The following IQCK variants were observed in gnomAD, a reference collection of about 807,000 sequenced individuals.
IQCK encodes the protein IQ domain-containing protein K.
Under a neutral mutation model 28.1 loss-of-function variants are expected in IQCK, and 29 were observed. That is an observed-to-expected ratio of 1.03 (90% CI 0.77 to 1.41). The LOEUF is 1.41. Among genes scored for constraint, IQCK ranks in the 40% most tolerant of loss-of-function variants. The pLI, the probability that IQCK is intolerant of heterozygous loss-of-function variation, is 0.00. For synonymous variants in IQCK, 113 were observed against 115.1 expected (o/e 0.98, Z 0.12); for missense variants, 359 against 314.7 (o/e 1.14, Z -1.07).
At chr16:19,802,984 G>A (rs1412048991) in intron 7 of IQCK, among the ~76,000 whole-genome samples, 1 of 152,138 alleles carries the variant, frequency 6.6e-6, no homozygotes, top group Non-Finnish European at 1.5e-5. Context: ...TGATGGTCTC[G>A]AGCTTCACTG....
chr16:19,769,367 A>G (rs571806995), intron 6 of IQCK, among the ~76,000 whole-genome samples: 2 of 152,320 alleles, frequency 1.3e-5, no homozygotes, highest in Admixed American at 1.3e-4. Flanking sequence ...CCAGTTCCTT[A>G]TTGGTAAATG....
exon 6 of IQCK, chr16:19,764,086 A>G: frequency 6.2e-7 from 1 of 1,613,758 alleles, no homozygotes; most frequent in Non-Finnish European, 8.5e-7. Flanking sequence ...TCTCCATTCC[A>G]TTTGTGGAGG....
At chr16:19,748,891 G>GA (rs942902304) in intron 4 of IQCK, among the ~76,000 whole-genome samples, 26 of 152,022 alleles carry the variant, frequency 1.7e-4, no homozygotes, top group South Asian at 2.1e-4. Flanking sequence ...TCCTGTAATG[G>GA]AAAAAAACAA....
chr16:19,773,068 T>G (rs2055339970), intron 6 of IQCK, among the ~76,000 whole-genome samples: 1 of 152,040 alleles, frequency 6.6e-6, no homozygotes, highest in Admixed American at 6.6e-5. Context: ...GAGCACTTGA[T>G]AGTGTAGGAG....
rs146748925 is a variant in IQCK, at chr16:19,729,259, C to T, written c.182-1171C>T. Among the ~76,000 whole-genome samples, 472 of 152,244 alleles carry T rather than the reference C, an allele frequency of 3.1e-3. 2 individuals carry two copies. The highest frequency in any genetic ancestry group is 0.011 in the African/African-American group (453 of 41,550). On this transcript the variant is annotated intron_variant, in intron 1 of 7. Coordinates refer to ENST00000564186, the Ensembl canonical transcript of IQCK. Reference sequence around the variant, plus strand: ...AGTAGCTGGGATTACAGGTGCCCGGCGCCATGCCTGGCTAATTTTTGTATT... The same window carrying T: ...AGTAGCTGGGATTACAGGTGCCCGGTGCCATGCCTGGCTAATTTTTGTATT...
chr16:19,783,262 G>A, intron 6 of IQCK, among the ~76,000 whole-genome samples: 1 of 152,116 alleles, frequency 6.6e-6, no homozygotes, highest in South Asian at 2.1e-4. Flanking sequence ...GCCTACCAAA[G>A]TGCTGGGATT....
At chr16:19,836,733 T>C (rs976604296) in intron 9 of IQCK, among the ~76,000 whole-genome samples, 6 of 152,176 alleles carry the variant, frequency 3.9e-5, no homozygotes, top group African/African-American at 7.2e-5. Flanking sequence ...AGGATGCTCT[T>C]GATCTCTTGA....
intron 6 of IQCK, among the ~76,000 whole-genome samples, chr16:19,772,471 T>C (rs1223521680): frequency 6.6e-6 from 1 of 151,960 alleles, no homozygotes; most frequent in African/African-American, 2.4e-5. Context: ...ATTTAAGATA[T>C]GATGATGAGA....
chr16:19,755,326 C>T (rs1034311140), intron 4 of IQCK, among the ~76,000 whole-genome samples: 1 of 152,184 alleles, frequency 6.6e-6, no homozygotes, highest in Non-Finnish European at 1.5e-5. Context: ...GGCAGCCACT[C>T]TTAGATGGCA....
At chr16:19,815,476 C>T (rs2055974048) in intron 7 of IQCK, among the ~76,000 whole-genome samples, 1 of 152,034 alleles carries the variant, frequency 6.6e-6, no homozygotes, top group Admixed American at 6.6e-5. Flanking sequence ...CATAGTGAGA[C>T]CCCATCTCTA....
intron 9 of IQCK, among the ~76,000 whole-genome samples, chr16:19,838,572 A>G (rs1597603657): frequency 6.6e-6 from 1 of 152,160 alleles, no homozygotes; most frequent in African/African-American, 2.4e-5. Flanking sequence ...GGCCCGGCCT[A>G]CAGGACAGCA....
intron 9 of IQCK, among the ~76,000 whole-genome samples, chr16:19,843,350 T>G (rs2056382140): frequency 6.6e-6 from 1 of 152,166 alleles, no homozygotes; most frequent in African/African-American, 2.4e-5. Flanking sequence ...CCCTACACCC[T>G]TTAGCCATTA....
downstream of IQCK, among the ~76,000 whole-genome samples, chr16:19,830,704 CT>C: frequency 6.6e-6 from 1 of 152,278 alleles, no homozygotes; most frequent in Admixed American, 6.5e-5. Context: ...CCAGACCTGC[CT>C]TTGGAATCCT....
chr16:19,818,512 C>T (rs2056020440), intron 7 of IQCK, among the ~76,000 whole-genome samples: 1 of 152,168 alleles, frequency 6.6e-6, no homozygotes, highest in Admixed American at 6.5e-5. Context: ...CCTTCCTCAG[C>T]CTCTTGAGTA....
chr16:19,844,081 CTTTT>C (rs760051580), intron 9 of IQCK, among the ~76,000 whole-genome samples: 2 of 136,342 alleles, frequency 1.5e-5, no homozygotes, highest in African/African-American at 2.7e-5. Context: ...CATATGCTTG[CTTTT>C]TTTTTTTTTT....
downstream of IQCK, among the ~76,000 whole-genome samples, chr16:19,827,561 C>G (rs12445679): frequency 0.21 from 31,200 of 152,134 alleles, 3,387 homozygotes; most frequent in Admixed American, 0.27. Flanking sequence ...TCAACTTGAC[C>G]GGGCTGTGAG....
rs1000638251 is a variant in IQCK at position 19,825,160 on chromosome 16, C to T, written c.691-1866C>T. Among the ~76,000 whole-genome samples, 8 of 152,194 alleles carry T rather than the reference C, an allele frequency of 5.3e-5. No homozygotes were observed. In the South Asian group the frequency reaches 1.4e-3, roughly 28 times the overall value. Reference sequence around the variant, plus strand: ...AGTACGACTTGGCAAGCCACTAAAACTCAGTTATCTCATCTGTAACATGGA... The same window carrying T: ...AGTACGACTTGGCAAGCCACTAAAATTCAGTTATCTCATCTGTAACATGGA... On this transcript the variant is annotated intron_variant, in intron 7 of 7. Coordinates refer to ENST00000564186, the Ensembl canonical transcript of IQCK. The surrounding 1 kb of genome is among the most constrained non-coding windows in gnomAD (Gnocchi z 4.2).
At chr16:19,752,264 G>A (rs2054996493) in intron 4 of IQCK, among the ~76,000 whole-genome samples, 1 of 152,224 alleles carries the variant, frequency 6.6e-6, no homozygotes, top group African/African-American at 2.4e-5. Context: ...AGCTGGCTCA[G>A]TGGCTACATT....
intron 1 of IQCK, among the ~76,000 whole-genome samples, chr16:19,721,050 C>T (rs1446960787): frequency 6.6e-6 from 1 of 151,392 alleles, no homozygotes. Flanking sequence ...TCAACATTGG[C>T]AAACTATACA....
Sources: gnomAD v4.1 joint callset for allele counts (sites outside exome capture counted in the v4.1 genomes callset) on GRCh38, gnomAD v4.1.1 for gene constraint, Gnocchi (gnomAD v3.1) non-coding constraint, MANE v1.5 for transcripts, NCBI Gene and HGNC (gene_info 2026-07-23, HGNC 2026-07-21) for gene names.